The following ERP44 variants were observed in gnomAD, a reference collection of about 807,000 sequenced individuals.
ERP44 encodes the protein endoplasmic reticulum protein 44.
Under a neutral mutation model 53.4 loss-of-function variants are expected in ERP44, and 25 were observed. The ratio of observed to expected loss-of-function variants is 0.47; its 90% CI spans 0.34 to 0.65. ERP44 has a LOEUF of 0.65. Ranked by LOEUF, ERP44 falls within the 30% of genes least tolerant of loss-of-function variation. The probability of loss-of-function intolerance (pLI) is 0.01; values close to 1 mark genes in which losing one functional copy is unlikely to be tolerated. For missense variants in ERP44, 338 were observed against 493.2 expected, an observed-to-expected ratio of 0.69 and a Z score of 2.98; for synonymous variants, 145 against 161.2, an observed-to-expected ratio of 0.90 and a Z score of 0.76.
chr9:100,022,188 T>C lies in ERP44; in HGVS notation c.325A>G (p.Thr109Ala). 6.2e-7 allele frequency: 1 copy of C among 1,613,734 alleles called. No individual in the cohort carries two copies. Among genetic ancestry groups the C allele is most frequent in the Non-Finnish European group, 8.5e-7 (1 of 1,179,816 alleles). The part of the protein sequence containing the change: ...AQRYRISKYP[T>A]LKLFRNGMMM... The stretch of plus-strand genomic sequence containing the variant: ...ATCCCATTACGAAACAATTTGAGGG[T>C]TGGGTATTTGCTTATCCTGTATCTC... The change falls in exon 5 of 12, where the codon ACC (threonine) becomes GCC (alanine). Residue 109 changes from threonine to alanine, a missense_variant. Thr to Ala is a moderately conservative substitution (Grantham distance 58). Transcript: ENST00000262455.
intron 3 of ERP44, among the ~76,000 whole-genome samples, chr9:100,057,465 C>T (rs923213499): frequency 2.0e-5 from 3 of 152,164 alleles, no homozygotes; most frequent in Non-Finnish European, 1.5e-5. Flanking sequence ...CATTATTTTT[C>T]CTTCTAAACT....
At chr9:100,077,416 T>A (rs1826370187) in intron 1 of ERP44, among the ~76,000 whole-genome samples, 1 of 152,174 alleles carries the variant, frequency 6.6e-6, no homozygotes, top group South Asian at 2.1e-4. Flanking sequence ...TGACAATACT[T>A]TGCAGGGCTC....
In ERP44 at chr9:100,029,506, A is replaced by T. The variant is rs113269701; in HGVS notation, c.287-7280T>A. 5.8e-3 allele frequency among the ~76,000 whole-genome samples: 886 copies of T among 152,342 alleles called. 11 individuals carry two copies. Among genetic ancestry groups the T allele is most frequent in the African/African-American group, 0.02 (838 of 41,570 alleles). ...CCCCAGTTAGAATGGCTATTAACAA[A>T]AATGTGAAAATAATTAATACTGCAG... On this transcript the variant is annotated intron_variant, in intron 4 of 11. Transcript: ENST00000262455.
chr9:100,011,289 G>A (rs1830473833), intron 8 of ERP44, among the ~76,000 whole-genome samples: 1 of 152,142 alleles, frequency 6.6e-6, no homozygotes, highest in African/African-American at 2.4e-5. Context: ...TGTAGGAGCA[G>A]TATTTTGAAT....
At chr9:100,006,029 CTATATGCCAT>C (rs1396828202) in intron 10 of ERP44, among the ~76,000 whole-genome samples, 4 of 152,176 alleles carry the variant, frequency 2.6e-5, no homozygotes, top group Non-Finnish European at 5.9e-5. Flanking sequence ...CAGTTCATAG[CTATATGCCAT>C]TAGAAACGCC....
chr9:99,995,512 A>T (rs1830301523), intron 10 of ERP44, among the ~76,000 whole-genome samples: 1 of 146,738 alleles, frequency 6.8e-6, no homozygotes, highest in South Asian at 2.1e-4. Flanking sequence ...CTTTTTTAAA[A>T]ATCTCCCCAA....
intron 4 of ERP44, among the ~76,000 whole-genome samples, chr9:100,032,986 T>G (rs1423485628): frequency 6.6e-6 from 1 of 152,250 alleles, no homozygotes; most frequent in Non-Finnish European, 1.5e-5. Context: ...ATCCTTTGTT[T>G]AGTTTTTAAG....
intron 3 of ERP44, among the ~76,000 whole-genome samples, chr9:100,053,345 C>T (rs774258398): frequency 1.2e-4 from 18 of 152,120 alleles, no homozygotes; most frequent in Non-Finnish European, 2.4e-4. Context: ...GCACAAACCC[C>T]CACAATATTC....
intron 1 of ERP44, among the ~76,000 whole-genome samples, chr9:100,095,090 T>C (rs904579771): frequency 1.3e-5 from 2 of 151,544 alleles, no homozygotes; most frequent in African/African-American, 2.4e-5. Context: ...TTGGAAGAGA[T>C]TTTATATAAT....
Position 100,090,698 on chromosome 9 carries a change from G to A in ERP44, c.57+8086C>T, listed in dbSNP as rs1486002872. On this transcript the variant is annotated intron_variant, in intron 1 of 11. Coordinates refer to ENST00000262455, the MANE Select transcript of ERP44 (RefSeq NM_015051.3). ...CAGGAGGTGGAGGCTGCAGTGAGCCGAGATCACGCCATTGCATTCCAGCCT... is the reference window on the plus strand; with the variant it reads ...CAGGAGGTGGAGGCTGCAGTGAGCCAAGATCACGCCATTGCATTCCAGCCT... 5.3e-5 allele frequency among the ~76,000 whole-genome samples: 8 copies of A among 151,632 alleles called. No individual in the cohort carries two copies. In the East Asian group the frequency reaches 1.2e-3, roughly 22 times the overall value.
chr9:100,022,276 C>A, intron 4 of ERP44, 50 bp from the exon 5 acceptor site: 1 of 1,448,088 alleles, frequency 6.9e-7, no homozygotes, highest in Non-Finnish European at 9.3e-7. Flanking sequence ...TCAGGGCAAG[C>A]CTGTTTGCCT....
chr9:100,093,792 A>C (rs1395198156), intron 1 of ERP44, among the ~76,000 whole-genome samples: 1 of 152,242 alleles, frequency 6.6e-6, no homozygotes, highest in South Asian at 2.1e-4. Flanking sequence ...AAGCTTGATC[A>C]CACTCATATT....
intron 10 of ERP44, among the ~76,000 whole-genome samples, chr9:100,002,533 T>C (rs531556203): frequency 2.0e-5 from 3 of 152,300 alleles, no homozygotes; most frequent in African/African-American, 7.2e-5. Context: ...GGTATTAATA[T>C]AATATTGCTG....
In ERP44 at chr9:100,083,075, CAAAAG is replaced by C. The variant is rs1826444568; in HGVS notation, c.57+15704_57+15708del. 2.0e-5 allele frequency among the ~76,000 whole-genome samples: 3 copies of C among 149,734 alleles called. No homozygotes were observed. The South Asian group carries it at 6.3e-4, about 32-fold the overall frequency. ...ACAAATAATAGAAAGAATGAATAAA[CAAAAG>C]AAAGAGAAAAGAAACTGAGAAAACA... On this transcript the variant is annotated intron_variant, in intron 1 of 11. Transcript: ENST00000262455.
chr9:100,090,532 T>G (rs941772781), intron 1 of ERP44, among the ~76,000 whole-genome samples: 1 of 152,138 alleles, frequency 6.6e-6, no homozygotes, highest in Admixed American at 6.5e-5. Flanking sequence ...GTGGATCACC[T>G]GAGGTCAGGA....
At chr9:100,082,775 G>A (rs561917102) in intron 1 of ERP44, among the ~76,000 whole-genome samples, 5 of 149,542 alleles carry the variant, frequency 3.3e-5, no homozygotes, top group South Asian at 2.1e-4. Flanking sequence ...AAAAATCCAC[G>A]TATAAGTAGA....
Position 100,010,190 on chromosome 9 carries a change from C to A in ERP44, c.763-2501G>T, listed in dbSNP as rs561719209. ...GTGGTAATTCATGCTGCTTAGGCTT[C>A]CAAGTTTACTATGTCCATACAAGCA... On this transcript the variant is annotated intron_variant, in intron 8 of 11. Coordinates refer to ENST00000262455, the MANE Select transcript of ERP44 (RefSeq NM_015051.3). Among the ~76,000 whole-genome samples the A allele has an allele frequency of 8.5e-5, 13 of 152,296 alleles. No individual in the cohort carries two copies. The East Asian group carries it at 2.5e-3, about 29-fold the overall frequency.
intron 4 of ERP44, 36 bp downstream of exon 4, chr9:100,052,381 G>A (rs1419306438): frequency 2.7e-6 from 3 of 1,111,256 alleles, no homozygotes; most frequent in East Asian, 5.2e-5. Flanking sequence ...TTTGGGATGG[G>A]ACAGTCTCTT....
intron 1 of ERP44, among the ~76,000 whole-genome samples, chr9:100,073,478 A>G (rs1378164929): frequency 6.6e-6 from 1 of 152,142 alleles, no homozygotes; most frequent in East Asian, 1.9e-4. Context: ...GCATTTCTCT[A>G]CCTCCTGACC....
Sources: gnomAD v4.1 joint callset for allele counts (sites outside exome capture counted in the v4.1 genomes callset) on GRCh38, gnomAD v4.1.1 for gene constraint, MANE v1.5 for transcripts, NCBI Gene and HGNC (gene_info 2026-07-23, HGNC 2026-07-21) for gene names.